Variants in FRMD4B observed in about 807,000 individuals in gnomAD.
The protein encoded by FRMD4B is FERM domain-containing protein 4B.
Under a neutral mutation model 141.5 loss-of-function variants are expected in FRMD4B, and 74 were observed. The ratio of observed to expected loss-of-function variants is 0.52; its 90% CI spans 0.43 to 0.63. The LOEUF (loss-of-function observed/expected upper bound fraction) is 0.63. Ranked by LOEUF, FRMD4B falls within the 30% of genes least tolerant of loss-of-function variation. The pLI is 0.00. For missense variants in FRMD4B, 1,366 were observed against 1,253.4 expected (o/e 1.09, Z -1.36); for synonymous variants, 506 against 467.9 (o/e 1.08, Z -1.05).
chr3:69,312,533 G>C (rs567778479), intron 2 of FRMD4B, among the ~76,000 whole-genome samples: 1 of 152,290 alleles, frequency 6.6e-6, no homozygotes, highest in East Asian at 1.9e-4. Context: ...CGTCCGCAGG[G>C]ACTTTCACAA....
intron 1 of FRMD4B, among the ~76,000 whole-genome samples, chr3:69,331,523 C>T (rs964127793): frequency 4.6e-5 from 7 of 152,144 alleles, no homozygotes; most frequent in African/African-American, 1.7e-4. Flanking sequence ...TTTTAAAGTA[C>T]AGTGTATTAT....
chr3:69,530,081 C>T (rs1700989585), intron 1 of FRMD4B, among the ~76,000 whole-genome samples: 1 of 152,232 alleles, frequency 6.6e-6, no homozygotes, highest in Admixed American at 6.5e-5. Context: ...AACCGGAATA[C>T]AGCCACACCC....
intron 9 of FRMD4B, 27 bp downstream of exon 9, chr3:69,221,831 T>C (rs1451533006): frequency 2.4e-6 from 3 of 1,235,600 alleles, no homozygotes; most frequent in Non-Finnish European, 3.5e-6. Flanking sequence ...ATTAAAATTA[T>C]ATCTAAGCAA....
intron 8 of FRMD4B, among the ~76,000 whole-genome samples, chr3:69,223,452 T>A (rs1559730886): frequency 6.6e-6 from 1 of 152,042 alleles, no homozygotes; most frequent in African/African-American, 2.4e-5. Flanking sequence ...GAAGCAGAGG[T>A]TGCAGTGAGC....
chr3:69,381,287 G>A (rs1396760784), intron 1 of FRMD4B, among the ~76,000 whole-genome samples: 4 of 152,148 alleles, frequency 2.6e-5, no homozygotes, highest in Admixed American at 6.5e-5. Flanking sequence ...AAGAAATTAT[G>A]CCTTCCTAGC....
chr3:69,421,593 G>C (rs1268581318), intron 2 of FRMD4B, among the ~76,000 whole-genome samples: 1 of 152,236 alleles, frequency 6.6e-6, no homozygotes, highest in African/African-American at 2.4e-5. Flanking sequence ...GCAATCTTGA[G>C]TCTAGATGTG....
chr3:69,242,743 C>T (rs1258792153), intron 7 of FRMD4B, among the ~76,000 whole-genome samples: 1 of 150,644 alleles, frequency 6.6e-6, no homozygotes, highest in African/African-American at 2.4e-5. Flanking sequence ...ATCTGTAATC[C>T]CAGCACTTTG....
At chr3:69,225,029 G>A (rs2093236835) in intron 7 of FRMD4B, among the ~76,000 whole-genome samples, 1 of 151,998 alleles carries the variant, frequency 6.6e-6, no homozygotes, top group Non-Finnish European at 1.5e-5. Context: ...ATCTTTAGTG[G>A]CTACATAATA....
chr3:69,467,234 T>A (rs552789766), intron 1 of FRMD4B, among the ~76,000 whole-genome samples: 1 of 152,298 alleles, frequency 6.6e-6, no homozygotes, highest in East Asian at 1.9e-4. Flanking sequence ...AAGCTCAACT[T>A]TTCCATCTCT....
chr3:69,451,623 T>C (rs763495360), intron 1 of FRMD4B, among the ~76,000 whole-genome samples: 3 of 152,186 alleles, frequency 2.0e-5, no homozygotes, highest in Admixed American at 2.0e-4. Context: ...CTAGCAACCA[T>C]TCCTTATGGT....
At chr3:69,503,122 T>G (rs1407419394) in intron 1 of FRMD4B, among the ~76,000 whole-genome samples, 2 of 152,186 alleles carry the variant, frequency 1.3e-5, no homozygotes, top group Non-Finnish European at 2.9e-5. Context: ...TGGAAGTCAG[T>G]GTGGCGATTC....
At chr3:69,208,215 C>A (rs771425970) in intron 11 of FRMD4B, among the ~76,000 whole-genome samples, 22 of 152,106 alleles carry the variant, frequency 1.4e-4, no homozygotes, top group Admixed American at 7.2e-4. Context: ...AGGCACCCAC[C>A]ACCACACCCG....
At chr3:69,466,875 A>T (rs901487261) in intron 1 of FRMD4B, among the ~76,000 whole-genome samples, 6 of 151,642 alleles carry the variant, frequency 4.0e-5, no homozygotes, top group African/African-American at 7.3e-5. Flanking sequence ...TTTTATTTTT[A>T]TTTTTTTGTA....
intron 5 of FRMD4B, among the ~76,000 whole-genome samples, chr3:69,283,791 G>C (rs1202273469): frequency 6.6e-6 from 1 of 152,110 alleles, no homozygotes; most frequent in African/African-American, 2.4e-5. Flanking sequence ...TCAACCCTTA[G>C]AGTTCTTAGG....
chr3:69,428,863 C>T (rs532525008), intron 2 of FRMD4B, among the ~76,000 whole-genome samples: 3 of 152,324 alleles, frequency 2.0e-5, no homozygotes, highest in Admixed American at 6.5e-5. Context: ...CTCTTCCCTA[C>T]AGCTCTTGGC....
intron 5 of FRMD4B, among the ~76,000 whole-genome samples, chr3:69,258,159 T>A (rs2106832789): frequency 6.6e-6 from 1 of 152,072 alleles, no homozygotes; most frequent in African/African-American, 2.4e-5. Flanking sequence ...AGAGACAGGG[T>A]TTTGCCATGT....
At chr3:69,217,565 T>G (rs2093153930) in intron 10 of FRMD4B, among the ~76,000 whole-genome samples, 1 of 152,166 alleles carries the variant, frequency 6.6e-6, no homozygotes, top group African/African-American at 2.4e-5. Context: ...GAGGTTGCAG[T>G]GAGCTGAGAT....
intron 5 of FRMD4B, among the ~76,000 whole-genome samples, chr3:69,272,359 C>T (rs2093598315): frequency 6.6e-6 from 1 of 152,162 alleles, no homozygotes; most frequent in Non-Finnish European, 1.5e-5. Flanking sequence ...TAGGTTTTAG[C>T]ATGTTGGCCA....
chr3:69,443,412 C>T (rs950674095), intron 1 of FRMD4B, among the ~76,000 whole-genome samples: 1 of 152,126 alleles, frequency 6.6e-6, no homozygotes. Context: ...TTTATAATAT[C>T]TTTTCTAATG....
Sources: allele counts gnomAD v4.1 joint callset (sites outside exome capture counted in the v4.1 genomes callset), GRCh38; gene constraint gnomAD v4.1.1; transcripts MANE v1.5; gene names NCBI Gene and HGNC (gene_info 2026-07-23, HGNC 2026-07-21).